The following ARID5B variants were observed in gnomAD, a reference collection of about 807,000 sequenced individuals.
ARID5B encodes AT-rich interaction domain 5B.
In ARID5B, 13 loss-of-function variants were observed where a neutral mutation model predicts 97.2. The ratio of observed to expected loss-of-function variants is 0.13; its 90% CI spans 0.09 to 0.21. The LOEUF is 0.21. ARID5B is among the 10% of genes least tolerant of loss of function. The probability of loss-of-function intolerance (pLI) is 1.00; values close to 1 mark genes in which losing one functional copy is unlikely to be tolerated. For synonymous variants in ARID5B, 556 were observed against 570.3 expected, an observed-to-expected ratio of 0.97 and a Z score of 0.36; for missense variants, 1,210 against 1,465.3, an observed-to-expected ratio of 0.83 and a Z score of 2.84.
intron 4 of ARID5B, among the ~76,000 whole-genome samples, chr10:62,016,414 A>C (rs902060848): frequency 6.6e-6 from 1 of 152,248 alleles, no homozygotes; most frequent in Non-Finnish European, 1.5e-5. Flanking sequence ...AATAAAAAGC[A>C]CTGCTGATTA....
intron 2 of ARID5B, among the ~76,000 whole-genome samples, chr10:61,920,415 C>T (rs1200497939): frequency 2.0e-5 from 3 of 151,786 alleles, no homozygotes; most frequent in African/African-American, 4.8e-5. Context: ...CTACAACCTC[C>T]GCCTCCTGGG....
At chr10:61,996,893 A>ATATAT (rs761637934) in intron 3 of ARID5B, among the ~76,000 whole-genome samples, 1 of 147,022 alleles carries the variant, frequency 6.8e-6, no homozygotes, top group Admixed American at 6.8e-5. Context: ...CTGAAAAAAA[A>ATATAT]AAATATATAT....
intron 3 of ARID5B, among the ~76,000 whole-genome samples, chr10:61,947,396 G>C (rs1297811293): frequency 6.6e-6 from 1 of 150,696 alleles, no homozygotes; most frequent in Non-Finnish European, 1.5e-5. Flanking sequence ...AGCCTCCCAA[G>C]TAGCTGGGAT....
At chr10:61,919,730 T>C (rs1180232680) in intron 2 of ARID5B, among the ~76,000 whole-genome samples, 3 of 152,216 alleles carry the variant, frequency 2.0e-5, no homozygotes, top group Non-Finnish European at 2.9e-5. Flanking sequence ...AATAGTCTAA[T>C]AGTATTTTGT....
chr10:62,052,353 C>T (rs1349964550), intron 5 of ARID5B, among the ~76,000 whole-genome samples: 1 of 152,218 alleles, frequency 6.6e-6, no homozygotes, highest in Non-Finnish European at 1.5e-5. Context: ...ACAGTTCATT[C>T]CCTACTATGT....
chr10:61,984,762 G>A (rs952745837), intron 3 of ARID5B, among the ~76,000 whole-genome samples: 4 of 152,146 alleles, frequency 2.6e-5, no homozygotes, highest in South Asian at 2.1e-4. Flanking sequence ...TTCCAAACCC[G>A]TATTTCAGAC....
intron 3 of ARID5B, among the ~76,000 whole-genome samples, chr10:61,951,490 C>T (rs1422051692): frequency 6.6e-6 from 1 of 152,192 alleles, no homozygotes; most frequent in East Asian, 1.9e-4. Context: ...CGCTTAGGAT[C>T]CCTGTTTCTT....
rs1554836065 is a variant in ARID5B, at chr10:61,902,705, G to GTA, written c.276+293_276+294insAT. On this transcript the variant is annotated intron_variant, in intron 2 of 9. Transcript: ENST00000279873. ...TGTGTGTGTGTGTGTGTGTGTGTAT[G>GTA]TGTGTGTGTGTGTTCATTTGCTCTC... is the stretch of plus-strand genomic sequence containing the variant. Among the ~76,000 whole-genome samples the GTA allele has an allele frequency of 2.0e-3, 286 of 146,090 alleles. 2 individuals are homozygous for GTA. Among genetic ancestry groups the GTA allele is most frequent in the African/African-American group, 6.8e-3 (270 of 39,994 alleles).
At chr10:61,926,224 T>C (rs575204519) in intron 2 of ARID5B, among the ~76,000 whole-genome samples, 24 of 152,306 alleles carry the variant, frequency 1.6e-4, no homozygotes, top group African/African-American at 5.5e-4. Context: ...AAATTAAAAA[T>C]TAAAATCCTT....
At chr10:61,996,723 C>T (rs1189937593) in intron 3 of ARID5B, among the ~76,000 whole-genome samples, 3 of 152,020 alleles carry the variant, frequency 2.0e-5, no homozygotes, top group Non-Finnish European at 2.9e-5. Context: ...AACAGTCTCT[C>T]TGTTTCTCGT....
At chr10:62,040,957 G>A (rs1343592595) in intron 4 of ARID5B, among the ~76,000 whole-genome samples, 1 of 152,136 alleles carries the variant, frequency 6.6e-6, no homozygotes, top group Non-Finnish European at 1.5e-5. Context: ...TGGGTTCATT[G>A]TTAGCTTTAC....
intron 3 of ARID5B, among the ~76,000 whole-genome samples, chr10:61,998,011 T>A (rs1405218193): frequency 6.6e-6 from 1 of 152,168 alleles, no homozygotes; most frequent in Non-Finnish European, 1.5e-5. Flanking sequence ...GTAAACATAT[T>A]TCCTTTTAAT....
At chr10:61,926,952 G>A (rs1844117405) in intron 2 of ARID5B, among the ~76,000 whole-genome samples, 1 of 152,122 alleles carries the variant, frequency 6.6e-6, no homozygotes, top group South Asian at 2.1e-4. Flanking sequence ...TGGTGCAAAA[G>A]TAATTGCGGT....
intron 2 of ARID5B, among the ~76,000 whole-genome samples, chr10:61,906,253 T>C (rs1237190005): frequency 6.6e-6 from 1 of 152,194 alleles, no homozygotes; most frequent in Non-Finnish European, 1.5e-5. Context: ...GTGGAGGTTC[T>C]TGGACCTAAA....
chr10:61,972,058 G>A (rs1225990566), intron 3 of ARID5B, among the ~76,000 whole-genome samples: 1 of 151,808 alleles, frequency 6.6e-6, no homozygotes, highest in African/African-American at 2.4e-5. Context: ...AACAATCCAT[G>A]TTTATCATAA....
chr10:62,079,663 C>A (rs1466627156), intron 8 of ARID5B, among the ~76,000 whole-genome samples: 1 of 152,152 alleles, frequency 6.6e-6, no homozygotes, highest in East Asian at 1.9e-4. Context: ...TCCAGTACCA[C>A]GTACCTTTCT....
chr10:61,902,925 A>G (rs1020287649), intron 2 of ARID5B, among the ~76,000 whole-genome samples: 1 of 152,142 alleles, frequency 6.6e-6, no homozygotes, highest in African/African-American at 2.4e-5. Context: ...ATCAAAAGCT[A>G]TTGAGTTGGC....
chr10:61,977,791 C>T (rs1457372079), intron 3 of ARID5B, among the ~76,000 whole-genome samples: 1 of 152,030 alleles, frequency 6.6e-6, no homozygotes, highest in African/African-American at 2.4e-5. Flanking sequence ...TGCAAAAATT[C>T]TCTCCCATTC....
intron 8 of ARID5B, among the ~76,000 whole-genome samples, chr10:62,073,943 GT>G (rs1426621047): frequency 6.6e-6 from 1 of 152,132 alleles, no homozygotes; most frequent in Non-Finnish European, 1.5e-5. Flanking sequence ...ATTTTTATCA[GT>G]AAAGGAACAA....
Sources: gnomAD v4.1 joint callset for allele counts (sites outside exome capture counted in the v4.1 genomes callset) on GRCh38, gnomAD v4.1.1 for gene constraint, MANE v1.5 for transcripts, NCBI Gene and HGNC (gene_info 2026-07-23, HGNC 2026-07-21) for gene names.